Variants in ZNF292 observed in about 807,000 individuals in gnomAD.
The protein encoded by ZNF292 is zinc finger protein 292.
ZNF292 carries 26 observed loss-of-function variants against 217.9 expected under a neutral mutation model. The observed-to-expected ratio is 0.12, with a 90% confidence interval of 0.09 to 0.17. ZNF292 has a LOEUF of 0.17. Among genes scored for constraint, ZNF292 ranks in the 10% least tolerant of loss-of-function variants. ZNF292 has a pLI of 1.00. For synonymous variants in ZNF292, 1,257 were observed against 1,124.1 expected, an observed-to-expected ratio of 1.12 and a Z score of -2.37; for missense variants, 2,904 against 3,175.2, an observed-to-expected ratio of 0.91 and a Z score of 2.05.
At chr6:87,192,011 T>C (rs1771834913) in intron 1 of ZNF292, among the ~76,000 whole-genome samples, 1 of 152,188 alleles carries the variant, frequency 6.6e-6, no homozygotes, top group Admixed American at 6.5e-5. Context: ...AATTTGTTTC[T>C]CATAAACATT....
chr6:87,185,328 T>G (rs142112701), intron 1 of ZNF292, among the ~76,000 whole-genome samples: 174 of 152,338 alleles, frequency 1.1e-3, no homozygotes, highest in Non-Finnish European at 2.9e-4. Context: ...GATTTTAGAC[T>G]TCCGGGATTT....
Position 87,259,613 on chromosome 6 carries a change from A to T in ZNF292, c.5984A>T (p.Glu1995Val). The T allele has an allele frequency of 1.3e-6, 2 of 1,580,590 alleles. No homozygotes were observed. The highest frequency in any genetic ancestry group is 1.7e-6 in the Non-Finnish European group (2 of 1,162,356). Residue 1995 changes from glutamate (E) to valine (V), a missense_variant, in exon 8 of 8, where the codon GAA (glutamate) becomes GTA (valine). Glu to Val is a moderately radical substitution (Grantham distance 121). Coordinates refer to ENST00000369577, the MANE Select transcript of ZNF292 (RefSeq NM_015021.3). ...CCTTATGGAAGAAAATCTCAGAGTGAAAATGTGCCGGCCTCACGAAGTACA... is the reference window on the plus strand; with the variant it reads ...CCTTATGGAAGAAAATCTCAGAGTGTAAATGTGCCGGCCTCACGAAGTACA... ...KRPYGRKSQSENVPASRSTQV... is the reference protein window; with the variant it reads ...KRPYGRKSQSVNVPASRSTQV...
chr6:87,237,713 G>C (rs940040802), intron 5 of ZNF292, among the ~76,000 whole-genome samples: 1 of 152,116 alleles, frequency 6.6e-6, no homozygotes, highest in African/African-American at 2.4e-5. Flanking sequence ...GCTTTACAAA[G>C]GGACTTTATT....
intron 2 of ZNF292, 45 bp downstream of exon 2, chr6:87,216,102 TACATAGACACACACACACACACAC>T (rs71873091): frequency 0.037 from 44,604 of 1,208,504 alleles, 2,527 homozygotes; most frequent in African/African-American, 0.16. Context: ...GCTTTAAAAA[TACATAGACACACACACACACACAC>T]ACACACACAC....
chr6:87,259,233 A>T lies in ZNF292; in HGVS notation c.5604A>T (p.Thr1868=). Residue 1868 remains threonine (T), a synonymous_variant, in exon 8 of 8, where the codon ACA becomes ACT. Coordinates refer to ENST00000369577, the MANE Select transcript of ZNF292 (RefSeq NM_015021.3). ...SQCVLINTSV[T]LTPTPVKSTA... ...GTGTACTGATAAATACATCAGTGACACTGACTCCCACGCCTGTTAAATCAA... is the reference window on the plus strand; with the variant it reads ...GTGTACTGATAAATACATCAGTGACTCTGACTCCCACGCCTGTTAAATCAA... 1 of 1,613,726 alleles carries T rather than the reference A, an allele frequency of 6.2e-7. No individual in the cohort carries two copies. The highest frequency in any genetic ancestry group is 8.5e-7 in the Non-Finnish European group (1 of 1,179,710).
intron 4 of ZNF292, chr6:87,222,962 G>T (rs1451271191): frequency 3.3e-6 from 1 of 306,194 alleles, no homozygotes; most frequent in African/African-American, 2.1e-5. Flanking sequence ...CTGGGGTTAT[G>T]GGTTTTGAGG....
At position 87,255,876 on chromosome 6, in the gene ZNF292, A is replaced by G. The variant is rs781515951; in HGVS notation, c.2247A>G (p.Pro749=). Residue 749 remains proline (P), a synonymous_variant, in exon 8 of 8, where the codon CCA becomes CCG. Coordinates refer to ENST00000369577, the MANE Select transcript of ZNF292 (RefSeq NM_015021.3). ...DHLQMHCGSK[P]YICIQMKCKA... ...TACAGATGCACTGTGGCAGTAAACC[A>G]TATATCTGTATACAGATGAAATGTA... 8 of 1,613,730 alleles carry G rather than the reference A, an allele frequency of 5.0e-6. No individual in the cohort carries two copies. Among genetic ancestry groups the G allele is most frequent in the African/African-American group, 2.7e-5 (2 of 74,944 alleles).
chr6:87,256,256 A>C lies in ZNF292; in HGVS notation c.2627A>C (p.Asn876Thr). The C allele has an allele frequency of 6.2e-7, 1 of 1,613,896 alleles. No homozygotes were observed. The highest frequency in any genetic ancestry group is 8.5e-7 in the Non-Finnish European group (1 of 1,179,828). ...EKERSMLPSE[N>T]NIENSLLADR... ...GAAAGATCTATGCTTCCTTCAGAAA[A>C]TAACATTGAAAACAGCTTACTAGCA... is the stretch of plus-strand genomic sequence containing the variant. Residue 876 changes from asparagine (N) to threonine (T), a missense_variant, in exon 8 of 8, where the codon AAT becomes ACT. Around this residue, in one of 15 missense-constraint regions of ZNF292, gnomAD observed 687 missense variants for 623.0 expected, o/e 1.10. Transcript: ENST00000369577.
chr6:87,240,296 G>GT (rs1184586956), intron 5 of ZNF292, among the ~76,000 whole-genome samples: 1 of 151,526 alleles, frequency 6.6e-6, no homozygotes, highest in African/African-American at 2.4e-5. Context: ...AGCAGAGATG[G>GT]TGGCAGTACA....
chr6:87,223,521 C>G (rs9353464), intron 4 of ZNF292: 95,939 of 152,128 alleles, frequency 0.63, 31,840 homozygotes, highest in African/African-American at 0.85. Flanking sequence ...AGCCCATCTT[C>G]AAGTGGGAAG....
intron 4 of ZNF292, among the ~76,000 whole-genome samples, chr6:87,229,526 A>G (rs936674899): frequency 7.2e-5 from 11 of 152,296 alleles, no homozygotes; most frequent in Admixed American, 7.2e-4. Context: ...TCCCGGGTTC[A>G]AGCAATTCTC....
At chr6:87,202,496 T>G (rs1030996397) in intron 1 of ZNF292, among the ~76,000 whole-genome samples, 21 of 152,230 alleles carry the variant, frequency 1.4e-4, no homozygotes, top group African/African-American at 5.1e-4. Flanking sequence ...CTGCTTTTAT[T>G]TCTTTTTCAG....
rs1775603873 is a variant in ZNF292 at position 87,261,559 on chromosome 6, C to A, written c.7930C>A (p.Pro2644Thr). The part of the protein sequence containing the change: ...TAVTSGNHVC[P>T]CKESETFVQF... ...TGTGACTAGTGGAAATCATGTATGT[C>A]CTTGTAAAGAAAGCGAAACGTTTGT... is the stretch of plus-strand genomic sequence containing the variant. Residue 2644 changes from proline (P) to threonine (T), a missense_variant, in exon 8 of 8, where the codon CCT (proline) becomes ACT (threonine). This residue lies in a region of ZNF292 where 380 missense variants were observed against 355.3 expected (regional missense o/e 1.07). Transcript: ENST00000369577. The A allele has an allele frequency of 4.3e-6, 7 of 1,610,132 alleles. No individual in the cohort carries two copies. The South Asian group carries it at 4.4e-5, about 10-fold the overall frequency.
Position 87,259,526 on chromosome 6 carries a change from C to G in ZNF292, c.5897C>G (p.Ala1966Gly). The G allele has an allele frequency of 6.3e-7, 1 of 1,586,884 alleles. No homozygotes were observed. The highest frequency in any genetic ancestry group is 1.3e-5 in the African/African-American group (1 of 74,390). ...TTTACAAGAAATTCTAACCTCCGGG[C>G]ACACTGTCAGTTGGTGCATCATTTT... is the stretch of plus-strand genomic sequence containing the variant. Reference protein sequence around the residue: ...KTFTRNSNLRAHCQLVHHFTT... With the variant: ...KTFTRNSNLRGHCQLVHHFTT... Residue 1966 changes from alanine to glycine, a missense_variant, in exon 8 of 8, where the codon GCA becomes GGA. Physicochemically the swap from Ala to Gly is moderately conservative, Grantham distance 60. Around this residue, in one of 15 missense-constraint regions of ZNF292, gnomAD observed 50 missense variants for 90.5 expected, o/e 0.55. Coordinates refer to ENST00000369577, the MANE Select transcript of ZNF292 (RefSeq NM_015021.3).
intron 1 of ZNF292, among the ~76,000 whole-genome samples, chr6:87,168,225 A>C (rs1156578409): frequency 6.6e-6 from 1 of 152,200 alleles, no homozygotes; most frequent in Non-Finnish European, 1.5e-5. Context: ...GTCCAAGTTA[A>C]TTCAAATTGC....
At chr6:87,204,254 C>T (rs763111929) in intron 1 of ZNF292, among the ~76,000 whole-genome samples, 63 of 152,068 alleles carry the variant, frequency 4.1e-4, no homozygotes, top group Non-Finnish European at 7.8e-4. Flanking sequence ...TTCTATAAAA[C>T]GTCATTGGGA....
chr6:87,246,379 C>CT (rs538798908), intron 7 of ZNF292, among the ~76,000 whole-genome samples: 85 of 152,290 alleles, frequency 5.6e-4, no homozygotes, highest in Non-Finnish European at 9.6e-4. Context: ...AAACAAACAT[C>CT]TTTTTTTAGT....
In ZNF292 at chr6:87,264,559, A is replaced by G. The variant is rs918989155; in HGVS notation, c.*2758A>G. On this transcript the variant is annotated 3_prime_UTR_variant, in exon 8 of 8. Coordinates refer to ENST00000369577, the MANE Select transcript of ZNF292 (RefSeq NM_015021.3). ...CTGGAAAAGGAGGTAGGTAGTTGGG[A>G]AAGTCTTTGTAGAAAATATGAGTTT... 6.6e-6 allele frequency among the ~76,000 whole-genome samples: 1 copy of G among 152,218 alleles called. No homozygotes were observed. The highest frequency in any genetic ancestry group is 1.5e-5 in the Non-Finnish European group (1 of 68,034).
intron 1 of ZNF292, among the ~76,000 whole-genome samples, chr6:87,199,424 T>C (rs753717071): frequency 2.6e-5 from 4 of 152,182 alleles, no homozygotes; most frequent in Admixed American, 6.5e-5. Flanking sequence ...AACATTTTTT[T>C]CTCAGCCTAT....
Sources: gnomAD v4.1 joint callset for allele counts (sites outside exome capture counted in the v4.1 genomes callset) on GRCh38, gnomAD v4.1.1 for gene constraint, gnomAD v4.1.1 regional missense constraint, MANE v1.5 for transcripts, NCBI Gene and HGNC (gene_info 2026-07-23, HGNC 2026-07-21) for gene names.